PHIP: variants seen among roughly 807,000 people sequenced by gnomAD.
The protein encoded by PHIP is PH-interacting protein.
Under a neutral mutation model 236.8 loss-of-function variants are expected in PHIP, and 54 were observed. The observed-to-expected ratio is 0.23, with a 90% CI of 0.18 to 0.29. The LOEUF (loss-of-function observed/expected upper bound fraction) is 0.29, where lower values mean the gene tolerates loss of function less well. Among genes scored for constraint, PHIP ranks in the 10% least tolerant of loss-of-function variants. PHIP has a pLI of 1.00. For synonymous variants in PHIP, 756 were observed against 718.9 expected (o/e 1.05, Z -0.83); for missense variants, 1,370 against 2,190.8 (o/e 0.63, Z 7.48).
rs1774252724 is a variant in PHIP, at chr6:79,077,706, C to T, written c.123G>A (p.Glu41=). Residue 41 remains glutamate (E), a synonymous_variant, in exon 3 of 40, where the codon GAG becomes GAA. Coordinates refer to ENST00000275034, the MANE Select transcript of PHIP (RefSeq NM_017934.7). ...AAQVLIREVA[E]KELLPRRTDW... ...GGGCCGCCGCCGCCCTTACCTCCTTCTCGGCCACCTCGCGGATCAGCACCT... is the reference window on the plus strand; with the variant it reads ...GGGCCGCCGCCGCCCTTACCTCCTTTTCGGCCACCTCGCGGATCAGCACCT... 1 of 1,012,576 alleles carries T rather than the reference C, an allele frequency of 9.9e-7. No individual in the cohort carries two copies. Among genetic ancestry groups the T allele is most frequent in the Non-Finnish European group, 1.2e-6 (1 of 849,250 alleles). 62.7% of individuals were successfully genotyped at this position (1,012,576 alleles called of 1,614,324 possible).
intron 6 of PHIP, among the ~76,000 whole-genome samples, chr6:79,050,479 T>C (rs1469734364): frequency 6.6e-6 from 1 of 152,182 alleles, no homozygotes; most frequent in Admixed American, 6.5e-5. Context: ...CCCTTAACTA[T>C]TATATGCTGC....
rs1269069529 is a variant in PHIP, at chr6:78,939,794, T to A, written c.*899A>T. 1 of 152,366 alleles carries A rather than the reference T, an allele frequency of 6.6e-6. No homozygotes were observed. Among genetic ancestry groups the A allele is most frequent in the African/African-American group, 2.4e-5 (1 of 41,420 alleles). 9.4% of individuals were successfully genotyped at this position (152,366 alleles called of 1,614,324 possible). ...CCACTTAAACATTTCCTCTAGAACA[T>A]CTCTGTCAAAGGACCCACCAGTGCA... On this transcript the variant is annotated 3_prime_UTR_variant, in exon 40 of 40. Coordinates refer to ENST00000275034, the MANE Select transcript of PHIP (RefSeq NM_017934.7).
At chr6:79,007,294 G>A (rs553110140) in intron 15 of PHIP, among the ~76,000 whole-genome samples, 2 of 152,098 alleles carry the variant, frequency 1.3e-5, no homozygotes, top group East Asian at 1.9e-4. Flanking sequence ...GAATGAGGTC[G>A]AAGACCCAAG....
At chr6:78,955,403 ACT>A (rs1284507167) in intron 33 of PHIP, 121 bp from the exon 34 acceptor site, 1 of 684,486 alleles carries the variant, frequency 1.5e-6, no homozygotes, top group African/African-American at 1.9e-5. Context: ...ATGCTGGGGC[ACT>A]TTATTGACTC....
chr6:78,955,428 C>T (rs1277310282), intron 33 of PHIP, 146 bp from the exon 34 acceptor site: 19 of 621,114 alleles, frequency 3.1e-5, no homozygotes, highest in Non-Finnish European at 5.0e-5. Context: ...TAAAAAGGTT[C>T]CCCCCATTAA....
Position 78,958,459 on chromosome 6 carries a change from T to A in PHIP, c.3782+16A>T. ...TTATTAAAACTATCATAATTACATATGAAAAGATAACTTACTTTATAAAAT... is the reference window on the plus strand; with the variant it reads ...TTATTAAAACTATCATAATTACATAAGAAAAGATAACTTACTTTATAAAAT... On this transcript the variant is annotated intron_variant, in intron 32 of 39. Coordinates refer to ENST00000275034, the MANE Select transcript of PHIP (RefSeq NM_017934.7). 3.6e-6 allele frequency: 5 copies of A among 1,386,014 alleles called. No homozygotes were observed. Among genetic ancestry groups the A allele is most frequent in the Non-Finnish European group, 5.1e-6 (5 of 978,192 alleles). The allele number at this position is 1,386,014 out of a possible 1,614,324, so 85.9% of individuals were successfully genotyped here. A position where few individuals can be genotyped will look rare whatever the true frequency, so the allele number is the denominator to read the frequency against.
At chr6:78,998,518 A>C (rs192944755) in intron 17 of PHIP, 127 bp from the exon 18 acceptor site, 2 of 611,648 alleles carry the variant, frequency 3.3e-6, no homozygotes, top group Non-Finnish European at 5.5e-6. Context: ...TAAATGATCA[A>C]CTATAAATGA....
Position 79,044,294 on chromosome 6 carries a change from T to C in PHIP, c.440-1291A>G, listed in dbSNP as rs538340559. 2.2e-4 allele frequency among the ~76,000 whole-genome samples: 33 copies of C among 152,242 alleles called. 1 individual carries two copies. The South Asian group carries it at 6.6e-3, about 31-fold the overall frequency. On this transcript the variant is annotated intron_variant, in intron 6 of 39. Transcript: ENST00000275034. ...TCTATGCAACAATCTACCCCAACAC[T>C]TGGGAATTTCTAAAACAAGGTTTGA...
chr6:79,061,838 ATGTGGGGG>A (rs918072914), intron 4 of PHIP, among the ~76,000 whole-genome samples: 8 of 152,116 alleles, frequency 5.3e-5, no homozygotes, highest in Non-Finnish European at 8.8e-5. Flanking sequence ...GATAAGACTG[ATGTGGGGG>A]GAGGTGAGGA....
chr6:79,013,341 T>C (rs1234507727), intron 15 of PHIP, among the ~76,000 whole-genome samples: 2 of 151,786 alleles, frequency 1.3e-5, no homozygotes, highest in East Asian at 3.8e-4. Flanking sequence ...GTTTATGTTT[T>C]GCTCACTGTC....
intron 35 of PHIP, among the ~76,000 whole-genome samples, chr6:78,949,303 T>C (rs536637997): frequency 6.6e-6 from 1 of 152,278 alleles, no homozygotes; most frequent in African/African-American, 2.4e-5. Context: ...GGGAAAAGAT[T>C]GCCCCTTCCT....
At chr6:78,944,068 A>G (rs969332534) in intron 39 of PHIP, among the ~76,000 whole-genome samples, 3 of 151,648 alleles carry the variant, frequency 2.0e-5, no homozygotes, top group African/African-American at 2.4e-5. Context: ...AAAGAAGACG[A>G]TATTTTAAGT....
chr6:79,025,453 T>C (rs112794274), intron 9 of PHIP, 66 bp downstream of exon 9: 2 of 921,674 alleles, frequency 2.2e-6, no homozygotes, highest in African/African-American at 1.7e-5. Flanking sequence ...TCGACTACTT[T>C]ATACTTTTGC....
chr6:78,955,760 A>G (rs1205751454), intron 32 of PHIP, 78 bp from the exon 33 acceptor site: 6 of 560,654 alleles, frequency 1.1e-5, no homozygotes, highest in South Asian at 7.9e-5. Context: ...TCGTAAAACC[A>G]TATTTTAAGG....
intron 4 of PHIP, among the ~76,000 whole-genome samples, chr6:79,076,846 CAACT>C (rs1257750331): frequency 1.3e-5 from 2 of 151,728 alleles, no homozygotes; most frequent in African/African-American, 2.4e-5. Flanking sequence ...AAGCACTGAC[CAACT>C]ATCATCACAC....
At chr6:79,019,006 T>C in intron 10 of PHIP, 83 bp downstream of exon 10, 3 of 870,628 alleles carry the variant, frequency 3.4e-6, no homozygotes, top group Non-Finnish European at 5.7e-6. Flanking sequence ...CAACAGTAAA[T>C]ATTTTCCTAA....
chr6:79,078,171 G>A lies in PHIP; in HGVS notation c.-103C>T, dbSNP rs1774291087. 8.6e-7 allele frequency: 1 copy of A among 1,160,536 alleles called. No individual in the cohort carries two copies. Among genetic ancestry groups the A allele is most frequent in the Non-Finnish European group, 1.2e-6 (1 of 813,408 alleles). The allele number at this position is 1,160,536 out of a possible 1,614,324, so 71.9% of individuals were successfully genotyped here. ...TATAGCTGTCAGTGTGTGTTCACGA[G>A]CCGAGCTTCGGCTCCACCATTCAAG... On this transcript the variant is annotated 5_prime_UTR_variant, in exon 1 of 40. Coordinates refer to ENST00000275034, the MANE Select transcript of PHIP (RefSeq NM_017934.7).
chr6:78,991,781 G>A (rs1222099401), intron 19 of PHIP, among the ~76,000 whole-genome samples: 1 of 151,524 alleles, frequency 6.6e-6, no homozygotes. Context: ...CCATAATTCT[G>A]AATGGAAAAT....
At position 78,969,089 on chromosome 6, in the gene PHIP, T is replaced by C. The variant is rs115588265; in HGVS notation, c.3205+746A>G. 4.3e-3 allele frequency among the ~76,000 whole-genome samples: 657 copies of C among 152,348 alleles called. 2 individuals are homozygous for C. The highest frequency in any genetic ancestry group is 0.014 in the African/African-American group (596 of 41,594). On this transcript the variant is annotated intron_variant, in intron 27 of 39. Coordinates refer to ENST00000275034, the MANE Select transcript of PHIP (RefSeq NM_017934.7). The stretch of plus-strand genomic sequence containing the variant: ...ACATCTTTCAAAACTTCTAGGGAAA[T>C]GGAACATGAGATGTAAATTTTCTTT...
Sources: allele counts gnomAD v4.1 joint callset (sites outside exome capture counted in the v4.1 genomes callset), GRCh38; gene constraint gnomAD v4.1.1; transcripts MANE v1.5; gene names NCBI Gene and HGNC (gene_info 2026-07-23, HGNC 2026-07-21).